MBIP: variants seen among roughly 807,000 people sequenced by gnomAD.
The protein encoded by MBIP is MAP3K12-binding inhibitory protein 1.
MBIP carries 32 observed loss-of-function variants against 45.7 expected under a neutral mutation model. That is an observed-to-expected ratio of 0.70 (90% CI 0.53 to 0.94). MBIP has a LOEUF of 0.94. Ranked by LOEUF, MBIP falls within the 40% of genes least tolerant of loss-of-function variation. The pLI, the probability that MBIP is intolerant of heterozygous loss-of-function variation, is 0.00. For synonymous variants in MBIP, 145 were observed against 141.0 expected, an observed-to-expected ratio of 1.03 and a Z score of -0.20; for missense variants, 381 against 405.5, an observed-to-expected ratio of 0.94 and a Z score of 0.52.
chr14:36,307,901 C>G (rs1397585710), intron 7 of MBIP, 191 bp downstream of exon 7: 1 of 370,852 alleles, frequency 2.7e-6, no homozygotes, highest in Non-Finnish European at 4.8e-6. Flanking sequence ...TTTAAAAATT[C>G]TAAATTTTAA....
At chr14:36,310,247 C>T (rs1880123450) in intron 6 of MBIP, among the ~76,000 whole-genome samples, 2 of 152,212 alleles carry the variant, frequency 1.3e-5, no homozygotes, top group South Asian at 4.1e-4. Flanking sequence ...TTTTCTTCTT[C>T]TACCTTCATC....
In MBIP at chr14:36,314,918, G is replaced by A; in HGVS notation, c.250-3C>T. The A allele has an allele frequency of 6.3e-7, 1 of 1,592,646 alleles. No individual in the cohort carries two copies. The highest frequency in any genetic ancestry group is 8.6e-7 in the Non-Finnish European group (1 of 1,161,080). ...GACTGAAGTTTTGCTAAAAAAGGCT[G>A]AGAACAACACAATTCCATCTGCTGA... On this transcript the variant is annotated splice_polypyrimidine_tract_variant and splice_region_variant and intron_variant, in intron 2 of 8. Transcript: ENST00000416007.
At chr14:36,306,248 A>G (rs979069875) in intron 7 of MBIP, among the ~76,000 whole-genome samples, 1 of 151,272 alleles carries the variant, frequency 6.6e-6, no homozygotes, top group Non-Finnish European at 1.5e-5. Context: ...AAACACATCT[A>G]TAAGTTTTGT....
intron 4 of MBIP, chr14:36,313,216 C>T (rs1384034922): frequency 6.6e-6 from 1 of 150,822 alleles, no homozygotes; most frequent in Non-Finnish European, 1.5e-5. Flanking sequence ...CCTACCATTT[C>T]ATGGGGCTAA....
intron 4 of MBIP, 163 bp downstream of exon 4, chr14:36,314,349 T>C (rs1168407277): frequency 1.8e-6 from 1 of 544,136 alleles, no homozygotes; most frequent in East Asian, 3.1e-5. Context: ...ATATAGTCTA[T>C]TATTAAGCAG....
Position 36,311,673 on chromosome 14 carries a change from T to G in MBIP, c.690A>C (p.Pro230=), listed in dbSNP as rs763139864. 1 of 1,613,182 alleles carries G rather than the reference T, an allele frequency of 6.2e-7. No individual in the cohort carries two copies. The highest frequency in any genetic ancestry group is 8.5e-7 in the Non-Finnish European group (1 of 1,179,282). Reference sequence around the variant, plus strand: ...TGCTGTTAGGTTTATGACCTGACCCTGGAATTCCTTCAGGTCTAGTCTGTG... The same window carrying G: ...TGCTGTTAGGTTTATGACCTGACCCGGGAATTCCTTCAGGTCTAGTCTGTG... ...YGPQTRPEGI[P]GSGHKPNSML... The change falls in exon 6 of 9, where the codon CCA becomes CCC. Residue 230 remains proline (P), a synonymous_variant. Transcript: ENST00000416007.
chr14:36,316,959 C>A, intron 1 of MBIP, 147 bp from the exon 2 acceptor site: 1 of 719,982 alleles, frequency 1.4e-6, no homozygotes, highest in East Asian at 3.0e-5. Context: ...ATGCTCTACC[C>A]AGTTACCATT....
rs1293215825 is a variant in MBIP at position 36,299,168 on chromosome 14, A to C, written c.950T>G (p.Leu317Arg). 1.2e-6 allele frequency: 2 copies of C among 1,613,450 alleles called. No individual in the cohort carries two copies. The highest frequency in any genetic ancestry group is 8.5e-7 in the Non-Finnish European group (1 of 1,179,588). ...TTTGAGGGCACTAATTTTCTCATCAAGTTCAGCCAGTGAATAGTTCTGCTG... is the reference window on the plus strand; with the variant it reads ...TTTGAGGGCACTAATTTTCTCATCACGTTCAGCCAGTGAATAGTTCTGCTG... Reference protein sequence around the residue: ...PPQQNYSLAELDEKISALKQA... With the variant: ...PPQQNYSLAERDEKISALKQA... The change falls in exon 9 of 9, where the codon CTT becomes CGT. Residue 317 changes from leucine to arginine, a missense_variant. Physicochemically the swap from Leu to Arg is moderately radical, Grantham distance 102 (BLOSUM62 -2). Transcript: ENST00000416007.
intron 4 of MBIP, 178 bp downstream of exon 4, chr14:36,314,334 T>C: frequency 2.1e-6 from 1 of 481,044 alleles, no homozygotes; most frequent in Non-Finnish European, 3.7e-6. Context: ...GAAAACCAGT[T>C]TGCAATATAG....
chr14:36,312,290 C>A (rs1330461084), intron 4 of MBIP, among the ~76,000 whole-genome samples: 2 of 152,014 alleles, frequency 1.3e-5, no homozygotes, highest in East Asian at 3.9e-4. Context: ...CAAATTGATA[C>A]AATTTTGAAA....
intron 1 of MBIP, 90 bp from the exon 2 acceptor site, chr14:36,316,902 C>T (rs991396720): frequency 1.7e-5 from 23 of 1,387,258 alleles, no homozygotes; most frequent in African/African-American, 1.0e-4. Context: ...TCTAGAGTAA[C>T]GGGTCTATTT....
chr14:36,314,634 T>C (rs900958407), intron 3 of MBIP, 26 bp from the exon 4 acceptor site: 1 of 1,606,442 alleles, frequency 6.2e-7, no homozygotes, highest in Non-Finnish European at 8.5e-7. Flanking sequence ...TTTAACAGTG[T>C]AAACATAAGA....
chr14:36,299,064 C>A lies in MBIP; in HGVS notation c.*19G>T, dbSNP rs1432497493. On this transcript the variant is annotated 3_prime_UTR_variant, in exon 9 of 9. Transcript: ENST00000416007. ...ATATGTATACAAAAAAGTAAAATGA[C>A]AAGGATGAGAGGAGTTTTTCATGGA... 1 of 1,581,250 alleles carries A rather than the reference C, an allele frequency of 6.3e-7. No individual in the cohort carries two copies. Among genetic ancestry groups the A allele is most frequent in the Non-Finnish European group, 8.7e-7 (1 of 1,150,626 alleles).
At chr14:36,317,839 T>A (rs1880666209) in intron 1 of MBIP, among the ~76,000 whole-genome samples, 2 of 151,970 alleles carry the variant, frequency 1.3e-5, no homozygotes, top group Admixed American at 6.5e-5. Flanking sequence ...AATACAGATT[T>A]TATGAGTCAC....
At chr14:36,315,936 C>CCAAA (rs112681795) in intron 2 of MBIP, among the ~76,000 whole-genome samples, 131,957 of 151,766 alleles carry the variant, frequency 0.87, 58,576 homozygotes, top group East Asian at 0.96. Flanking sequence ...ACTGACCAAT[C>CCAAA]CAGTTTTTCC....
rs1879363212 is a variant in MBIP, at chr14:36,299,010, C to G, written c.*73G>C. 9.6e-7 allele frequency: 1 copy of G among 1,041,556 alleles called. No homozygotes were observed. Among genetic ancestry groups the G allele is most frequent in the Admixed American group, 1.8e-5 (1 of 55,352 alleles). 64.5% of individuals were successfully genotyped at this position (1,041,556 alleles called of 1,614,324 possible). On this transcript the variant is annotated 3_prime_UTR_variant, in exon 9 of 9. Coordinates refer to ENST00000416007, the MANE Select transcript of MBIP (RefSeq NM_016586.3). ...AAGTCTACATTGATAAATATATATC[C>G]GTTGAATTAATAACAGTGTAAGTTA...
chr14:36,300,634 A>T (rs1337970963), intron 8 of MBIP, 151 bp downstream of exon 8: 1 of 484,206 alleles, frequency 2.1e-6, no homozygotes, highest in Non-Finnish European at 3.7e-6. Flanking sequence ...TTTTCTATTC[A>T]ACTGTATTAG....
intron 6 of MBIP, among the ~76,000 whole-genome samples, chr14:36,309,197 C>T (rs991630385): frequency 2.0e-5 from 3 of 152,146 alleles, no homozygotes; most frequent in African/African-American, 7.2e-5. Flanking sequence ...TCAGTAACAC[C>T]TTCTCTGACT....
intron 7 of MBIP, chr14:36,305,032 A>G (rs1250267799): frequency 1.3e-5 from 2 of 152,230 alleles, no homozygotes; most frequent in Non-Finnish European, 2.9e-5. Flanking sequence ...ACTGTGCTAC[A>G]TATGTAGTTT....
Sources: gnomAD v4.1 joint callset for allele counts (sites outside exome capture counted in the v4.1 genomes callset) on GRCh38, gnomAD v4.1.1 for gene constraint, MANE v1.5 for transcripts, NCBI Gene and HGNC (gene_info 2026-07-23, HGNC 2026-07-21) for gene names.